The following UIMC1 variants were observed in gnomAD, a reference collection of about 807,000 sequenced individuals.
The protein encoded by UIMC1 is ubiquitin interaction motif containing 1.
UIMC1 carries 42 observed loss-of-function variants against 84.9 expected under a neutral mutation model. The observed-to-expected ratio is 0.49, with a 90% CI of 0.39 to 0.64. The LOEUF (loss-of-function observed/expected upper bound fraction) is 0.64, where lower values mean the gene tolerates loss of function less well. Among genes scored for constraint, UIMC1 ranks in the 30% least tolerant of loss-of-function variants. The probability of loss-of-function intolerance (pLI) is 0.00; values close to 1 mark genes in which losing one functional copy is unlikely to be tolerated. For synonymous variants in UIMC1, 281 were observed against 293.0 expected, an observed-to-expected ratio of 0.96 and a Z score of 0.42; for missense variants, 825 against 847.6, an observed-to-expected ratio of 0.97 and a Z score of 0.33.
At chr5:176,997,839 C>G (rs1773860077) in intron 1 of UIMC1, among the ~76,000 whole-genome samples, 2 of 152,166 alleles carry the variant, frequency 1.3e-5, no homozygotes, top group African/African-American at 4.8e-5. Flanking sequence ...TTCTTAAGCC[C>G]CAGCCATACT....
chr5:176,997,969 T>C (rs1294209709), intron 1 of UIMC1, among the ~76,000 whole-genome samples: 1 of 152,152 alleles, frequency 6.6e-6, no homozygotes, highest in Non-Finnish European at 1.5e-5. Context: ...AGAGAAATCT[T>C]TCTTGGCTCC....
intron 1 of UIMC1, among the ~76,000 whole-genome samples, chr5:177,004,355 T>C (rs1309068396): frequency 1.3e-5 from 2 of 152,146 alleles, no homozygotes; most frequent in Non-Finnish European, 2.9e-5. Context: ...TAAATTACTG[T>C]TTTCCACAGT....
intron 6 of UIMC1, among the ~76,000 whole-genome samples, chr5:176,958,383 T>C (rs1468085979): frequency 6.6e-6 from 1 of 152,242 alleles, no homozygotes; most frequent in East Asian, 1.9e-4. Flanking sequence ...ATTGGGTAAA[T>C]GACATCTGAA....
At chr5:176,915,105 GAATT>G (rs1476647706) in intron 10 of UIMC1, among the ~76,000 whole-genome samples, 2 of 152,110 alleles carry the variant, frequency 1.3e-5, no homozygotes, top group Non-Finnish European at 2.9e-5. Context: ...GATGGAAAAA[GAATT>G]AATTGATTCT....
In UIMC1 at chr5:176,960,332, A is replaced by T. The variant is rs186518858; in HGVS notation, c.1201-2178T>A. ...GAATCCCAAGAACGTCTTCATTTCA[A>T]TACATTATTTTAATTTAGAAATTTA... On this transcript the variant is annotated intron_variant, in intron 6 of 14. Transcript: ENST00000511320. Among the ~76,000 whole-genome samples the T allele has an allele frequency of 1.9e-3, 296 of 152,244 alleles. 3 individuals are homozygous for T. The highest frequency in any genetic ancestry group is 6.8e-3 in the African/African-American group (282 of 41,552).
At position 176,905,086 on chromosome 5, in the gene UIMC1, AAACT is replaced by A; in HGVS notation, c.*192_*195del. The A allele has an allele frequency of 2.1e-6, 1 of 465,206 alleles. No individual in the cohort carries two copies. The highest frequency in any genetic ancestry group is 3.3e-5 in the East Asian group (1 of 29,912). The allele number at this position is 465,206 out of a possible 1,614,324, so 28.8% of individuals were successfully genotyped here. ...TTTTTAACTGTAAGTAAATTCAAACAAACTGTTATAAAACAGAATACACAGTTGT... is the reference window on the plus strand; with the variant it reads ...TTTTTAACTGTAAGTAAATTCAAACAGTTATAAAACAGAATACACAGTTGT... On this transcript the variant is annotated 3_prime_UTR_variant, in exon 15 of 15. Coordinates refer to ENST00000511320, the MANE Select transcript of UIMC1 (RefSeq NM_001199298.2).
intron 1 of UIMC1, among the ~76,000 whole-genome samples, chr5:177,016,851 C>T (rs1387055504): frequency 6.6e-6 from 1 of 151,938 alleles, no homozygotes; most frequent in Non-Finnish European, 1.5e-5. Flanking sequence ...GGTAAAACCC[C>T]GTCTCTACTA....
intron 9 of UIMC1, among the ~76,000 whole-genome samples, chr5:176,947,311 G>A (rs1765246693): frequency 6.6e-6 from 1 of 152,158 alleles, no homozygotes; most frequent in Admixed American, 6.5e-5. Context: ...TTAGGACCAT[G>A]CAGTCAGGGA....
chr5:176,942,328 C>T (rs1379777353), intron 10 of UIMC1, among the ~76,000 whole-genome samples: 4 of 152,100 alleles, frequency 2.6e-5, no homozygotes, highest in African/African-American at 4.8e-5. Context: ...AAACGTGGAA[C>T]TTAGTTCAAG....
chr5:176,951,894 C>A (rs898921269), intron 8 of UIMC1, among the ~76,000 whole-genome samples: 1 of 152,154 alleles, frequency 6.6e-6, no homozygotes, highest in Non-Finnish European at 1.5e-5. Flanking sequence ...TTCTCTGTAC[C>A]CCTCTGCAGT....
chr5:177,001,821 G>A (rs1462104557), intron 1 of UIMC1, among the ~76,000 whole-genome samples: 1 of 151,464 alleles, frequency 6.6e-6, no homozygotes, highest in Non-Finnish European at 1.5e-5. Context: ...GAGGTAGCAG[G>A]CGCCTGCAGT....
At chr5:177,022,343 A>T (rs1379314678) in intron 1 of UIMC1, 1 of 189,674 alleles carries the variant, frequency 5.3e-6, no homozygotes, top group African/African-American at 2.4e-5. Flanking sequence ...ACTTACTAGT[A>T]GCGAGCTCTT....
intron 10 of UIMC1, among the ~76,000 whole-genome samples, chr5:176,932,891 G>T (rs1763291981): frequency 1.4e-5 from 2 of 140,618 alleles, no homozygotes; most frequent in South Asian, 2.3e-4. Flanking sequence ...TACAGGAATG[G>T]AACAGCATGG....
intron 1 of UIMC1, among the ~76,000 whole-genome samples, chr5:177,003,634 C>A (rs1242860989): frequency 6.6e-6 from 1 of 152,026 alleles, no homozygotes; most frequent in Non-Finnish European, 1.5e-5. Context: ...GCTTGGGCGA[C>A]AGAATGAGAC....
chr5:177,012,033 C>G (rs1435075115), intron 1 of UIMC1, among the ~76,000 whole-genome samples: 1 of 152,140 alleles, frequency 6.6e-6, no homozygotes, highest in East Asian at 1.9e-4. Context: ...ATCTCCTGAC[C>G]TCATGATCCG....
Position 176,943,479 on chromosome 5 carries a change from T to C in UIMC1, c.1453A>G (p.Lys485Glu). The C allele has an allele frequency of 1.9e-6, 3 of 1,613,998 alleles. No individual in the cohort carries two copies. Among genetic ancestry groups the C allele is most frequent in the Non-Finnish European group, 2.5e-6 (3 of 1,179,920 alleles). The change falls in exon 10 of 15, where the codon AAG (lysine) becomes GAG (glutamate). Residue 485 changes from lysine (K) to glutamate (E), a missense_variant. Transcript: ENST00000511320. ...IIMADKEVGN[K>E]EDAEKEVAIS... ...GCTACTTCCTTCTCAGCATCTTCCT[T>C]GTTACCAACCTGAAGAACATGACAA...
In UIMC1 at chr5:176,923,612, C is replaced by T. The variant is rs577844302; in HGVS notation, c.1598-12223G>A. ...GGCACGGTGGCTCACACCTGTAATCCCTGCACTTTGGGAGGCTGAGGCGGA... is the reference window on the plus strand; with the variant it reads ...GGCACGGTGGCTCACACCTGTAATCTCTGCACTTTGGGAGGCTGAGGCGGA... On this transcript the variant is annotated intron_variant, in intron 10 of 14. Coordinates refer to ENST00000511320, the MANE Select transcript of UIMC1 (RefSeq NM_001199298.2). 3.2e-4 allele frequency among the ~76,000 whole-genome samples: 48 copies of T among 151,088 alleles called. 1 individual carries two copies. The highest frequency in any genetic ancestry group is 1.1e-3 in the African/African-American group (47 of 41,180).
At chr5:176,945,248 A>T (rs1417526343) in intron 9 of UIMC1, among the ~76,000 whole-genome samples, 2 of 152,196 alleles carry the variant, frequency 1.3e-5, no homozygotes, top group Non-Finnish European at 1.5e-5. Context: ...AAATTTAATC[A>T]CTAAGCTCCT....
chr5:176,937,149 G>T (rs752885188), intron 10 of UIMC1, among the ~76,000 whole-genome samples: 1 of 152,204 alleles, frequency 6.6e-6, no homozygotes, highest in Non-Finnish European at 1.5e-5. Flanking sequence ...ACGTGCATTT[G>T]TTCTAGTCTA....
Sources: allele counts gnomAD v4.1 joint callset (sites outside exome capture counted in the v4.1 genomes callset), GRCh38; gene constraint gnomAD v4.1.1; transcripts MANE v1.5; gene names NCBI Gene and HGNC (gene_info 2026-07-23, HGNC 2026-07-21).